The following THRAP3 variants were observed in gnomAD, a reference collection of about 807,000 sequenced individuals.
THRAP3 encodes thyroid hormone receptor-associated protein 3.
Under a neutral mutation model 101.0 loss-of-function variants are expected in THRAP3, and 16 were observed. The ratio of observed to expected loss-of-function variants is 0.16; its 90% CI spans 0.11 to 0.24. The LOEUF (loss-of-function observed/expected upper bound fraction) is 0.24, where lower values mean the gene tolerates loss of function less well. Among genes scored for constraint, THRAP3 ranks in the 10% least tolerant of loss-of-function variants. The pLI, the probability that THRAP3 is intolerant of heterozygous loss-of-function variation, is 1.00. For missense variants in THRAP3, 989 were observed against 1,202.7 expected, an observed-to-expected ratio of 0.82 and a Z score of 2.63; for synonymous variants, 407 against 422.6, an observed-to-expected ratio of 0.96 and a Z score of 0.45.
upstream of THRAP3, among the ~76,000 whole-genome samples, chr1:36,222,944 C>A (rs1260242657): frequency 2.6e-5 from 4 of 151,824 alleles, no homozygotes; most frequent in East Asian, 5.8e-4. Flanking sequence ...GCTTGGCCAA[C>A]GTGGCGAAAC....
chr1:36,222,329 A>T (rs966626922), upstream of THRAP3, among the ~76,000 whole-genome samples: 1 of 152,186 alleles, frequency 6.6e-6, no homozygotes, highest in Non-Finnish European at 1.5e-5. Context: ...ACTTGGACTA[A>T]CCTTACTGCA....
intron 2 of THRAP3, among the ~76,000 whole-genome samples, chr1:36,270,399 A>G (rs954090818): frequency 6.6e-6 from 1 of 151,818 alleles, no homozygotes; most frequent in Admixed American, 6.6e-5. Flanking sequence ...TGACACACAC[A>G]CACACGCACA....
At chr1:36,300,283 T>C (rs923164575) in intron 9 of THRAP3, among the ~76,000 whole-genome samples, 6 of 152,188 alleles carry the variant, frequency 3.9e-5, no homozygotes, top group Non-Finnish European at 7.4e-5. Context: ...GTGGTATAAT[T>C]AGTCAGAGCT....
intron 11 of THRAP3, among the ~76,000 whole-genome samples, chr1:36,302,771 G>A (rs1028331788): frequency 7.9e-5 from 12 of 152,170 alleles, no homozygotes; most frequent in African/African-American, 2.9e-4. Flanking sequence ...TGTTTGATTG[G>A]ATCCCTCCTT....
intron 2 of THRAP3, among the ~76,000 whole-genome samples, chr1:36,268,723 ATTTT>A (rs200374533): frequency 7.0e-6 from 1 of 143,494 alleles, no homozygotes; most frequent in African/African-American, 2.6e-5. Flanking sequence ...ATATGAGTTA[ATTTT>A]TTTTTTTTTT....
intron 1 of THRAP3, among the ~76,000 whole-genome samples, chr1:36,238,871 G>C (rs1645121982): frequency 6.6e-6 from 1 of 152,012 alleles, no homozygotes; most frequent in Admixed American, 6.6e-5. Context: ...CAAGTAAGTA[G>C]CTGGGACTGT....
At chr1:36,230,292 A>G (rs1645013699) in intron 1 of THRAP3, among the ~76,000 whole-genome samples, 1 of 150,880 alleles carries the variant, frequency 6.6e-6, no homozygotes, top group Non-Finnish European at 1.5e-5. Flanking sequence ...CTAATTTTGT[A>G]TTTTTAGTAG....
chr1:36,296,812 TTG>T, intron 9 of THRAP3, 42 bp downstream of exon 9: 1 of 1,502,446 alleles, frequency 6.7e-7, no homozygotes. Flanking sequence ...CTTAAGTTTC[TTG>T]TCTGTCCCCT....
intron 1 of THRAP3, among the ~76,000 whole-genome samples, chr1:36,246,773 C>T (rs1278141018): frequency 6.6e-6 from 1 of 151,818 alleles, no homozygotes; most frequent in African/African-American, 2.4e-5. Context: ...ACCCAGGAGG[C>T]GGAGCTTGCA....
intron 11 of THRAP3, among the ~76,000 whole-genome samples, chr1:36,303,285 G>A (rs1646053388): frequency 6.6e-6 from 1 of 152,006 alleles, no homozygotes; most frequent in African/African-American, 2.4e-5. Context: ...TTTCTTAGCT[G>A]CCTAACAACC....
At position 36,304,808 on chromosome 1, in the gene THRAP3, T is replaced by C; in HGVS notation, c.*791T>C. On this transcript the variant is annotated 3_prime_UTR_variant, in exon 12 of 12. Transcript: ENST00000354618. ...CCAAACTTTCTAGTCCTGCTGATCC[T>C]CCCAGCAACGGGGTGGAAACTGGAG... The C allele has an allele frequency of 4.8e-6, 1 of 209,922 alleles. No individual in the cohort carries two copies. The highest frequency in any genetic ancestry group is 9.7e-6 in the Non-Finnish European group (1 of 103,128). 13.0% of individuals were successfully genotyped at this position (209,922 alleles called of 1,614,324 possible).
At chr1:36,258,161 T>C (rs960292823) in intron 1 of THRAP3, among the ~76,000 whole-genome samples, 3 of 152,070 alleles carry the variant, frequency 2.0e-5, no homozygotes, top group African/African-American at 7.2e-5. Flanking sequence ...TTTTTTAAAT[T>C]CAACATGTTA....
At chr1:36,278,061 CCT>C (rs1491111925) in intron 2 of THRAP3, among the ~76,000 whole-genome samples, 77 of 132,828 alleles carry the variant, frequency 5.8e-4, no homozygotes, top group South Asian at 1.9e-3. Context: ...GCCCAGCCCC[CCT>C]TTTTTTTTTT....
chr1:36,275,335 C>A (rs1645644686), intron 2 of THRAP3, among the ~76,000 whole-genome samples: 2 of 146,906 alleles, frequency 1.4e-5, no homozygotes, highest in Non-Finnish European at 3.0e-5. Flanking sequence ...CGCCTGTAAT[C>A]CCAGCACTTT....
At chr1:36,282,261 A>G (rs1466282030) in intron 2 of THRAP3, among the ~76,000 whole-genome samples, 1 of 148,774 alleles carries the variant, frequency 6.7e-6, no homozygotes, top group Non-Finnish European at 1.5e-5. Flanking sequence ...GAGATAGGGT[A>G]TTGCTCTTTC....
chr1:36,217,669 CA>C, the THRAP3 span, among the ~76,000 whole-genome samples: 1 of 151,982 alleles, frequency 6.6e-6, no homozygotes, highest in South Asian at 2.1e-4. Flanking sequence ...CAAACTTTTT[CA>C]TTATTATTAT....
chr1:36,236,349 A>C (rs1041358521), intron 1 of THRAP3, among the ~76,000 whole-genome samples: 2 of 152,196 alleles, frequency 1.3e-5, no homozygotes, highest in Non-Finnish European at 2.9e-5. Flanking sequence ...TTCATCAGTC[A>C]TACTAGCTAT....
chr1:36,249,824 G>C (rs1258031582), intron 1 of THRAP3, among the ~76,000 whole-genome samples: 1 of 151,892 alleles, frequency 6.6e-6, no homozygotes, highest in African/African-American at 2.4e-5. Context: ...TTCTAAAAAT[G>C]TAGTTTGATT....
At chr1:36,244,256 CT>C (rs1470085317) in intron 1 of THRAP3, among the ~76,000 whole-genome samples, 1 of 152,084 alleles carries the variant, frequency 6.6e-6, no homozygotes, top group South Asian at 2.1e-4. Flanking sequence ...GGATAGGCAT[CT>C]TTTTAATTTT....
Sources: gnomAD v4.1 joint callset for allele counts (sites outside exome capture counted in the v4.1 genomes callset) on GRCh38, gnomAD v4.1.1 for gene constraint, MANE v1.5 for transcripts, NCBI Gene and HGNC (gene_info 2026-07-23, HGNC 2026-07-21) for gene names.